ZNF609: variants seen among roughly 807,000 people sequenced by gnomAD.
ZNF609 encodes zinc finger protein 609.
A neutral mutation model predicts 109.5 loss-of-function variants in ZNF609; 11 were observed. The observed-to-expected ratio is 0.10, with a 90% CI of 0.06 to 0.17. ZNF609 has a LOEUF of 0.17. Among genes scored for constraint, ZNF609 ranks in the 10% least tolerant of loss-of-function variants. ZNF609 has a pLI of 1.00. For missense variants in ZNF609, 1,559 were observed against 1,772.4 expected (o/e 0.88, Z 2.16); for synonymous variants, 646 against 662.0 (o/e 0.98, Z 0.37).
intron 2 of ZNF609, among the ~76,000 whole-genome samples, chr15:64,543,524 A>C (rs145091169): frequency 6.7e-6 from 1 of 149,660 alleles, no homozygotes; most frequent in Non-Finnish European, 1.5e-5. Flanking sequence ...GCTCACTGCA[A>C]CCTCCACCTC....
At chr15:64,616,279 C>A (rs1345687409) in intron 2 of ZNF609, among the ~76,000 whole-genome samples, 2 of 152,112 alleles carry the variant, frequency 1.3e-5, no homozygotes, top group Non-Finnish European at 2.9e-5. Flanking sequence ...CAGGTATAAA[C>A]CATCACATTT....
intron 2 of ZNF609, among the ~76,000 whole-genome samples, chr15:64,504,529 T>C (rs752370461): frequency 6.6e-6 from 1 of 152,182 alleles, no homozygotes; most frequent in Non-Finnish European, 1.5e-5. Context: ...TGGAGTGCAG[T>C]GGCACGATCT....
In ZNF609 at chr15:64,491,195, GT is replaced by G. The variant is rs574626570; in HGVS notation, c.-127-8097del. Among the ~76,000 whole-genome samples the G allele has an allele frequency of 5.3e-3, 813 of 152,304 alleles. 12 individuals are homozygous for G. The highest frequency in any genetic ancestry group is 0.019 in the African/African-American group (780 of 41,578). On this transcript the variant is annotated intron_variant, in intron 1 of 9. Transcript: ENST00000326648. ...TGATTGTTTCTCATTAGAGCCCTAG[GT>G]GGAAATTCATTTGATTAGCAAGCTC...
intron 1 of ZNF609, among the ~76,000 whole-genome samples, chr15:64,495,051 C>G (rs1222564021): frequency 6.6e-6 from 1 of 152,024 alleles, no homozygotes; most frequent in Non-Finnish European, 1.5e-5. Context: ...GCTACCGTTT[C>G]AGAAAAAGTA....
intron 1 of ZNF609, among the ~76,000 whole-genome samples, chr15:64,486,392 C>T (rs904039527): frequency 5.9e-5 from 9 of 151,936 alleles, no homozygotes; most frequent in South Asian, 2.1e-4. Flanking sequence ...GGTGTGGCGA[C>T]GTGCGCCTGT....
rs952436404 is a variant in ZNF609 at position 64,685,081 on chromosome 15, A to C, written c.*3395A>C. On this transcript the variant is annotated 3_prime_UTR_variant, in exon 10 of 10. Coordinates refer to ENST00000326648, the MANE Select transcript of ZNF609 (RefSeq NM_015042.2). ...TGTTGCTGTTCATAGATTTTGTTCC[A>C]TTGGCGTTGCTCTGTTGAATTTAAT... 2 of 152,274 alleles carry C rather than the reference A, an allele frequency of 1.3e-5. No individual in the cohort carries two copies. The highest frequency in any genetic ancestry group is 2.4e-5 in the African/African-American group (1 of 41,310). The allele number at this position is 152,274 out of a possible 1,614,324, so 9.4% of individuals were successfully genotyped here.
intron 3 of ZNF609, among the ~76,000 whole-genome samples, chr15:64,640,863 CAA>C (rs1896243202): frequency 6.6e-6 from 1 of 152,188 alleles, no homozygotes; most frequent in South Asian, 2.1e-4. Flanking sequence ...GGCACTTATG[CAA>C]AGTTTCCCTA....
At chr15:64,623,100 A>G (rs1386806056) in intron 3 of ZNF609, 48 bp downstream of exon 3, 2 of 1,572,832 alleles carry the variant, frequency 1.3e-6, no homozygotes, top group Admixed American at 3.4e-5. Context: ...CTGCTTCTGC[A>G]GGGGAGCCAC....
At chr15:64,570,692 C>T (rs1305388432) in intron 2 of ZNF609, among the ~76,000 whole-genome samples, 1 of 152,112 alleles carries the variant, frequency 6.6e-6, no homozygotes, top group African/African-American at 2.4e-5. Flanking sequence ...TGAGTTCACT[C>T]CTATTATTTT....
chr15:64,642,236 T>G (rs1244639680), intron 3 of ZNF609, among the ~76,000 whole-genome samples: 1 of 152,152 alleles, frequency 6.6e-6, no homozygotes, highest in Non-Finnish European at 1.5e-5. Flanking sequence ...CAGGTTGGAG[T>G]GCAGTGGTGC....
At chr15:64,474,198 A>G (rs11629853) in intron 1 of ZNF609, among the ~76,000 whole-genome samples, 36,649 of 144,916 alleles carry the variant, frequency 0.25, 5,627 homozygotes, top group Admixed American at 0.42. Flanking sequence ...GTGAGCCACC[A>G]CACCTGGCCT....
chr15:64,490,932 A>G (rs548618899), intron 1 of ZNF609, among the ~76,000 whole-genome samples: 1 of 152,346 alleles, frequency 6.6e-6, no homozygotes, highest in African/African-American at 2.4e-5. Context: ...GAGTTGCAGC[A>G]TATAAAGACT....
chr15:64,604,796 TATTTA>T (rs769633541), intron 2 of ZNF609, among the ~76,000 whole-genome samples: 1 of 152,050 alleles, frequency 6.6e-6, no homozygotes. Context: ...AATTTGGCTT[TATTTA>T]ATTTAATTTA....
intron 4 of ZNF609, among the ~76,000 whole-genome samples, chr15:64,673,692 G>C (rs917607306): frequency 2.6e-5 from 4 of 152,218 alleles, no homozygotes; most frequent in African/African-American, 9.7e-5. Context: ...TTACGGAACA[G>C]ATTCTGCATG....
chr15:64,523,277 C>A (rs1183895342), intron 2 of ZNF609, among the ~76,000 whole-genome samples: 1 of 152,082 alleles, frequency 6.6e-6, no homozygotes, highest in Non-Finnish European at 1.5e-5. Context: ...ATTTTATTTT[C>A]ATGTAATATG....
At chr15:64,634,433 G>C (rs977075409) in intron 3 of ZNF609, among the ~76,000 whole-genome samples, 3 of 152,142 alleles carry the variant, frequency 2.0e-5, no homozygotes, top group African/African-American at 7.2e-5. Context: ...TCACTAAAGG[G>C]AAGGGGCTCT....
At chr15:64,528,382 T>G (rs1567006106) in intron 2 of ZNF609, among the ~76,000 whole-genome samples, 1 of 141,842 alleles carries the variant, frequency 7.1e-6, no homozygotes. Flanking sequence ...TTAAAAAAAT[T>G]TATTATTATT....
intron 1 of ZNF609, among the ~76,000 whole-genome samples, chr15:64,482,568 T>C (rs1222379279): frequency 2.6e-5 from 4 of 152,182 alleles, no homozygotes; most frequent in African/African-American, 4.8e-5. Context: ...GATGTGGTTC[T>C]GTCCATAAGA....
chr15:64,660,926 T>C (rs1285424328), intron 3 of ZNF609, among the ~76,000 whole-genome samples: 1 of 152,114 alleles, frequency 6.6e-6, no homozygotes, highest in African/African-American at 2.4e-5. Flanking sequence ...TTTTTCTCCA[T>C]AGCTTATCAC....
Sources: allele counts gnomAD v4.1 joint callset (sites outside exome capture counted in the v4.1 genomes callset), GRCh38; gene constraint gnomAD v4.1.1; transcripts MANE v1.5; gene names NCBI Gene and HGNC (gene_info 2026-07-23, HGNC 2026-07-21).